TACC2: variants seen among roughly 807,000 people sequenced by gnomAD.
The protein encoded by TACC2 is transforming acidic coiled-coil containing protein 2.
A neutral mutation model predicts 227.3 loss-of-function variants in TACC2; 137 were observed. The observed-to-expected ratio is 0.60, with a 90% CI of 0.52 to 0.69. TACC2 has a LOEUF of 0.69. Ranked by LOEUF, TACC2 falls within the 30% of genes least tolerant of loss-of-function variation. The pLI is 0.00. For missense variants in TACC2, 3,470 were observed against 3,694.4 expected (o/e 0.94, Z 1.57); for synonymous variants, 1,523 against 1,487.5 (o/e 1.02, Z -0.55).
At chr10:122,131,642 G>A (rs1037062961) in intron 5 of TACC2, among the ~76,000 whole-genome samples, 10 of 152,240 alleles carry the variant, frequency 6.6e-5, no homozygotes, top group Admixed American at 1.3e-4. Flanking sequence ...ATAGTCCTTT[G>A]TCTTGGGGAC....
At chr10:122,031,397 CTTTTTTTTT>C (rs758476678) in intron 2 of TACC2, among the ~76,000 whole-genome samples, 5 of 91,738 alleles carry the variant, frequency 5.5e-5, no homozygotes, top group African/African-American at 2.4e-4. Context: ...GGTCTAGCCT[CTTTTTTTTT>C]TTTTTTTTTT....
intron 1 of TACC2, among the ~76,000 whole-genome samples, chr10:121,994,237 T>C (rs114287406): frequency 0.011 from 1,630 of 152,360 alleles, 30 homozygotes; most frequent in African/African-American, 0.037. Context: ...AGGCTGGTGA[T>C]GACCTGTCCC....
In TACC2 at chr10:122,038,787, T is replaced by G. The variant is rs117502678; in HGVS notation, c.34-11651T>G. Among the ~76,000 whole-genome samples the G allele has an allele frequency of 7.2e-3, 1,094 of 151,968 alleles. 6 individuals carry two copies. The highest frequency in any genetic ancestry group is 0.014 in the Middle Eastern group (4 of 294). ...AGCGCTAAGTAGGAAGTGAGGAACA[T>G]GAGAAAAGAAGGAGAGAGAAAAGAA... On this transcript the variant is annotated intron_variant, in intron 2 of 22. Transcript: ENST00000369005.
intron 18 of TACC2, among the ~76,000 whole-genome samples, chr10:122,241,286 A>G (rs1213940091): frequency 6.6e-6 from 1 of 152,024 alleles, no homozygotes; most frequent in African/African-American, 2.4e-5. Flanking sequence ...GTTTGGCTTT[A>G]TTTTTAATTT....
rs1295967776 is a variant in TACC2, at chr10:122,180,376, C to T, written c.5835-14664C>T. ...TTTTGGGTTAATAGTCTGGCTTTGT[C>T]GCCCAGGCTGGAGTGCAGTGGCGCA... On this transcript the variant is annotated intron_variant, in intron 7 of 22. Transcript: ENST00000369005. The surrounding 1 kb of genome is among the most constrained non-coding windows in gnomAD (Gnocchi z 4.5). 6.7e-6 allele frequency among the ~76,000 whole-genome samples: 1 copy of T among 148,484 alleles called. No homozygotes were observed. Among genetic ancestry groups the T allele is most frequent in the Non-Finnish European group, 1.5e-5 (1 of 67,484 alleles).
At chr10:122,199,481 G>T (rs1212353910) in intron 8 of TACC2, among the ~76,000 whole-genome samples, 1 of 152,254 alleles carries the variant, frequency 6.6e-6, no homozygotes, top group Non-Finnish European at 1.5e-5. Flanking sequence ...AGACTTCCTG[G>T]CATGGGGTGG....
chr10:122,237,479 G>T lies in TACC2; in HGVS notation c.8212G>T (p.Ala2738Ser), dbSNP rs1368553884. The T allele has an allele frequency of 1.2e-6, 2 of 1,613,972 alleles. No homozygotes were observed. Among genetic ancestry groups the T allele is most frequent in the Non-Finnish European group, 1.7e-6 (2 of 1,180,010 alleles). The change falls in exon 17 of 23, where the codon GCA (alanine) becomes TCA (serine). Residue 2738 changes from alanine (A) to serine (S), a missense_variant. Physicochemically the swap from Ala to Ser is moderately conservative, Grantham distance 99. This residue lies in a region of TACC2 where 345 missense variants were observed against 354.4 expected (regional missense o/e 0.97). Coordinates refer to ENST00000369005, the MANE Select transcript of TACC2 (RefSeq NM_206862.4). Reference sequence around the variant, plus strand: ...CGGGACCGCTGAGGTGGAGAAACCTGCAGGCCTTCTGTTCCAGCAGCCCGA... The same window carrying T: ...CGGGACCGCTGAGGTGGAGAAACCTTCAGGCCTTCTGTTCCAGCAGCCCGA... The part of the protein sequence containing the change: ...RIGTAEVEKP[A>S]GLLFQQPDLD...
At chr10:122,103,520 T>G (rs1410631801) in intron 5 of TACC2, among the ~76,000 whole-genome samples, 2 of 152,222 alleles carry the variant, frequency 1.3e-5, no homozygotes, top group Non-Finnish European at 2.9e-5. Flanking sequence ...TTAGAAAAGC[T>G]TTTAAATTAC....
intron 5 of TACC2, among the ~76,000 whole-genome samples, chr10:122,113,408 A>C (rs2084009260): frequency 1.3e-5 from 2 of 152,206 alleles, no homozygotes; most frequent in Admixed American, 6.5e-5. Context: ...CTGCTGGCAG[A>C]GGAGTGTGGC....
Position 122,209,282 on chromosome 10 carries a change from T to C in TACC2, c.5972-1115T>C, listed in dbSNP as rs1479247160. ...CTACTACAGGTGCCGGGGGCCTCCG[T>C]GTACAGGCTCCCCTGATCTTCACAG... On this transcript the variant is annotated intron_variant, in intron 8 of 22. Transcript: ENST00000369005. The surrounding 1 kb of genome is among the most constrained non-coding windows in gnomAD (Gnocchi z 4.5). 6.6e-6 allele frequency among the ~76,000 whole-genome samples: 1 copy of C among 152,154 alleles called. No homozygotes were observed. The highest frequency in any genetic ancestry group is 1.5e-5 in the Non-Finnish European group (1 of 68,028).
chr10:122,224,582 G>A, intron 11 of TACC2, 144 bp from the exon 12 acceptor site: 2 of 686,458 alleles, frequency 2.9e-6, no homozygotes, highest in South Asian at 1.8e-5. Context: ...TATATGAGAA[G>A]TCTCTAGACA....
At chr10:121,989,611 A>G (rs906779156) in intron 1 of TACC2, 123 bp downstream of exon 1, 1 of 152,248 alleles carries the variant, frequency 6.6e-6, no homozygotes, top group Non-Finnish European at 1.5e-5. Flanking sequence ...ACTCAAGGTG[A>G]GAACTGCCTG....
chr10:122,029,440 G>A (rs1364221094), intron 2 of TACC2, among the ~76,000 whole-genome samples: 1 of 152,128 alleles, frequency 6.6e-6, no homozygotes, highest in Non-Finnish European at 1.5e-5. Flanking sequence ...AAATTCGTAA[G>A]AAATATTGCT....
chr10:122,044,560 C>T (rs78963871), intron 2 of TACC2, among the ~76,000 whole-genome samples: 2,246 of 152,154 alleles, frequency 0.015, 19 homozygotes, highest in Middle Eastern at 0.024. Context: ...AAAGAGGGGG[C>T]GACTTAGGCA....
chr10:122,041,441 C>CTTT (rs537169387), intron 2 of TACC2, among the ~76,000 whole-genome samples: 53,845 of 139,962 alleles, frequency 0.38, 10,542 homozygotes, highest in Non-Finnish European at 0.44. Flanking sequence ...AGTTTCCTTT[C>CTTT]TTTTTTTTTT....
chr10:122,135,782 G>A (rs1429741153), intron 6 of TACC2, among the ~76,000 whole-genome samples: 6 of 152,234 alleles, frequency 3.9e-5, no homozygotes, highest in African/African-American at 1.4e-4. Flanking sequence ...CAGCACACAC[G>A]TTCTCAGCTA....
chr10:122,225,082 AGGT>A (rs2095600188), intron 12 of TACC2, among the ~76,000 whole-genome samples: 1 of 148,742 alleles, frequency 6.7e-6, no homozygotes, highest in African/African-American at 2.5e-5. Context: ...AAAAAAAAAG[AGGT>A]GGTGATGGTT....
At position 122,079,345 on chromosome 10, in the gene TACC2, C is replaced by T. The variant is rs2079187259; in HGVS notation, c.147-3302C>T. Among the ~76,000 whole-genome samples, 13 of 152,300 alleles carry T rather than the reference C, an allele frequency of 8.5e-5. No individual in the cohort carries two copies. The South Asian group carries it at 2.7e-3, about 32-fold the overall frequency. ...CCAAGTAGTTTTCCAGATGTCAGCC[C>T]ACTCGGGCCAGGGCTCTCCATGGGC... On this transcript the variant is annotated intron_variant, in intron 3 of 22. Coordinates refer to ENST00000369005, the MANE Select transcript of TACC2 (RefSeq NM_206862.4).
At chr10:121,999,341 A>G (rs976239249) in intron 1 of TACC2, among the ~76,000 whole-genome samples, 1 of 152,180 alleles carries the variant, frequency 6.6e-6, no homozygotes, top group African/African-American at 2.4e-5. Context: ...ACAGCTTTGT[A>G]TTCACTTTTG....
Sources: gnomAD v4.1 joint callset for allele counts (sites outside exome capture counted in the v4.1 genomes callset) on GRCh38, gnomAD v4.1.1 for gene constraint, gnomAD v4.1.1 regional missense constraint, Gnocchi (gnomAD v3.1) non-coding constraint, MANE v1.5 for transcripts, NCBI Gene and HGNC (gene_info 2026-07-23, HGNC 2026-07-21) for gene names.